VPS13B: variants seen among roughly 807,000 people sequenced by gnomAD.
VPS13B encodes the protein intermembrane lipid transfer protein VPS13B.
Under a neutral mutation model 426.4 loss-of-function variants are expected in VPS13B, and 285 were observed. The ratio of observed to expected loss-of-function variants is 0.67; its 90% CI spans 0.61 to 0.74. The LOEUF (loss-of-function observed/expected upper bound fraction) is 0.74, where lower values mean the gene tolerates loss of function less well. VPS13B is among the 30% of genes least tolerant of loss of function. VPS13B has a pLI of 0.00. For missense variants in VPS13B, 4,537 were observed against 4,782.6 expected (o/e 0.95, Z 1.51); for synonymous variants, 1,676 against 1,676.4 (o/e 1.00, Z 0.01).
At chr8:99,127,998 G>T (rs1239590751) in intron 8 of VPS13B, among the ~76,000 whole-genome samples, 1 of 152,052 alleles carries the variant, frequency 6.6e-6, no homozygotes, top group Admixed American at 6.6e-5. Context: ...GCCTCACATA[G>T]ATATTTATTT....
chr8:99,513,029 A>C (rs1472736654), intron 29 of VPS13B, among the ~76,000 whole-genome samples: 1 of 151,886 alleles, frequency 6.6e-6, no homozygotes, highest in Non-Finnish European at 1.5e-5. Flanking sequence ...AAAAAAAAAA[A>C]AACCATAATG....
At position 99,304,864 on chromosome 8, in the gene VPS13B, G is replaced by A. The variant is rs151324575; in HGVS notation, c.2824+29610G>A. Among the ~76,000 whole-genome samples the A allele has an allele frequency of 6.3e-3, 954 of 152,144 alleles. 8 individuals carry two copies. Among genetic ancestry groups the A allele is most frequent in the African/African-American group, 0.022 (895 of 41,546 alleles). On this transcript the variant is annotated intron_variant, in intron 19 of 61. Transcript: ENST00000357162. ...ATCTTTTTGCTCCCTTTCAAAATAT[G>A]TTTTACTGCCCCCCTCCCAATGTTT...
intron 2 of VPS13B, among the ~76,000 whole-genome samples, chr8:99,029,944 C>G (rs1842426718): frequency 6.6e-6 from 1 of 152,108 alleles, no homozygotes; most frequent in African/African-American, 2.4e-5. Context: ...TAATGTTCAT[C>G]TTTTCTCAGT....
Position 99,429,106 on chromosome 8 carries a change from A to G in VPS13B, c.3083-2431A>G, listed in dbSNP as rs572387493. Among the ~76,000 whole-genome samples, 13 of 152,258 alleles carry G rather than the reference A, an allele frequency of 8.5e-5. No individual in the cohort carries two copies. The East Asian group carries it at 2.5e-3, about 29-fold the overall frequency. ...GAGAACACATGGACACAGGAAGGGG[A>G]ACATCACACACCGGGGCCTGTTGTG... On this transcript the variant is annotated intron_variant, in intron 21 of 61. Transcript: ENST00000357162.
Position 99,717,363 on chromosome 8 carries a change from G to A in VPS13B, c.6647G>A (p.Gly2216Asp). The part of the protein sequence containing the change: ...IPKISIDLRG[G>D]LLQVFWGQEH... ...AAAATATCCATTGACTTAAGAGGAG[G>A]TCTACTACAGGTCTGTGGGTATTGG... Residue 2216 changes from glycine to aspartate, a missense_variant, in exon 37 of 62, where the codon GGT (glycine) becomes GAT (aspartate). Gly to Asp is a moderately conservative substitution (Grantham distance 94). Transcript: ENST00000357162. 2 of 1,613,734 alleles carry A rather than the reference G, an allele frequency of 1.2e-6. No individual in the cohort carries two copies. The highest frequency in any genetic ancestry group is 1.7e-6 in the Non-Finnish European group (2 of 1,179,800).
chr8:99,674,781 A>G (rs1049095808), intron 35 of VPS13B, among the ~76,000 whole-genome samples: 4 of 152,140 alleles, frequency 2.6e-5, no homozygotes, highest in Non-Finnish European at 5.9e-5. Context: ...TATAGTTATA[A>G]CAGGTTATTT....
At chr8:99,044,052 A>G (rs1450291886) in intron 3 of VPS13B, among the ~76,000 whole-genome samples, 4 of 139,562 alleles carry the variant, frequency 2.9e-5, no homozygotes, top group Non-Finnish European at 6.3e-5. Context: ...TTTCTTTATA[A>G]CCACATCATT....
chr8:99,300,957 C>T (rs1381471266), intron 19 of VPS13B, among the ~76,000 whole-genome samples: 2 of 146,304 alleles, frequency 1.4e-5, no homozygotes, highest in Non-Finnish European at 3.0e-5. Flanking sequence ...GGCATGGTGG[C>T]GTGTGCCTGT....
intron 20 of VPS13B, among the ~76,000 whole-genome samples, 173 bp downstream of exon 20, chr8:99,384,490 G>A (rs887132547): frequency 1.6e-4 from 25 of 152,028 alleles, no homozygotes; most frequent in African/African-American, 6.0e-4. Context: ...ATGAGAAATT[G>A]CATGTCAGTA....
At chr8:99,285,015 A>G (rs776599249) in intron 19 of VPS13B, among the ~76,000 whole-genome samples, 5 of 152,210 alleles carry the variant, frequency 3.3e-5, no homozygotes, top group Non-Finnish European at 5.9e-5. Context: ...AGTACCCTAT[A>G]TTAACCAGTG....
chr8:99,275,070 T>A lies in VPS13B; in HGVS notation c.2651-11T>A. ...TATTTTTATTATTGTTTTATAAATA[T>A]TTCTTTTCAGTTGATAGTGGAAAAG... On this transcript the variant is annotated splice_polypyrimidine_tract_variant and intron_variant, in intron 18 of 61. Coordinates refer to ENST00000357162, the MANE Select transcript of VPS13B (RefSeq NM_152564.5). The A allele has an allele frequency of 6.3e-7, 1 of 1,589,986 alleles. No homozygotes were observed. The highest frequency in any genetic ancestry group is 8.5e-7 in the Non-Finnish European group (1 of 1,170,004).
chr8:99,235,253 A>G (rs1294619134), intron 17 of VPS13B, among the ~76,000 whole-genome samples: 2 of 152,240 alleles, frequency 1.3e-5, no homozygotes, highest in Non-Finnish European at 2.9e-5. Context: ...GTAGCAGCTG[A>G]CAGCAGGTGA....
At chr8:99,746,908 A>C (rs1307461838) in intron 39 of VPS13B, among the ~76,000 whole-genome samples, 1 of 152,080 alleles carries the variant, frequency 6.6e-6, no homozygotes, top group Non-Finnish European at 1.5e-5. Context: ...TTCAGTGATA[A>C]ATATCCCTTT....
intron 17 of VPS13B, among the ~76,000 whole-genome samples, chr8:99,253,542 A>G (rs1047858968): frequency 2.0e-5 from 3 of 152,102 alleles, no homozygotes; most frequent in South Asian, 2.1e-4. Context: ...AGTGGTAGCT[A>G]TGTTCTAATT....
chr8:99,619,460 T>A (rs2133889560), intron 33 of VPS13B, among the ~76,000 whole-genome samples: 1 of 152,362 alleles, frequency 6.6e-6, no homozygotes, highest in Non-Finnish European at 1.5e-5. Flanking sequence ...GTAGAATAGT[T>A]AAAATAGTGT....
At position 99,871,622 on chromosome 8, in the gene VPS13B, C is replaced by T; in HGVS notation, c.11670C>T (p.Asp3890=). 6.2e-7 allele frequency: 1 copy of T among 1,614,226 alleles called. No individual in the cohort carries two copies. Among genetic ancestry groups the T allele is most frequent in the South Asian group, 1.1e-5 (1 of 91,090 alleles). The stretch of plus-strand genomic sequence containing the variant: ...AGGCCTTCCCCGTCACAGAAATCGA[C>T]TGTGCACAGGACAGCAAGCAGAACA... ...QQQAFPVTEI[D]CAQDSKQNNL... Residue 3890 remains aspartate (D), a synonymous_variant, in exon 61 of 62, where the codon GAC becomes GAT. Coordinates refer to ENST00000357162, the MANE Select transcript of VPS13B (RefSeq NM_152564.5).
chr8:99,868,615 TTAC>T, intron 59 of VPS13B, 150 bp downstream of exon 59: 1 of 921,074 alleles, frequency 1.1e-6, no homozygotes, highest in Non-Finnish European at 1.6e-6. Flanking sequence ...GAGTAGAATT[TTAC>T]TACTAATAAT....
chr8:99,725,783 A>C (rs990902361), intron 39 of VPS13B, among the ~76,000 whole-genome samples: 2 of 152,184 alleles, frequency 1.3e-5, no homozygotes, highest in African/African-American at 4.8e-5. Flanking sequence ...GTTATTTTTC[A>C]GTGGTATCAT....
rs566529055 is a variant in VPS13B at position 99,310,293 on chromosome 8, C to T, written c.2824+35039C>T. ...AAAGGGAATGCTTCCAGTTTTTGCC[C>T]ATTCAGTATGATATTGGCTGTGCAT... On this transcript the variant is annotated intron_variant, in intron 19 of 61. Coordinates refer to ENST00000357162, the MANE Select transcript of VPS13B (RefSeq NM_152564.5). 2.0e-5 allele frequency among the ~76,000 whole-genome samples: 3 copies of T among 152,268 alleles called. No homozygotes were observed. In the South Asian group the frequency reaches 6.2e-4, roughly 32 times the overall value.
Sources: gnomAD v4.1 joint callset for allele counts (sites outside exome capture counted in the v4.1 genomes callset) on GRCh38, gnomAD v4.1.1 for gene constraint, MANE v1.5 for transcripts, NCBI Gene and HGNC (gene_info 2026-07-23, HGNC 2026-07-21) for gene names.